CELF2: variants seen among roughly 807,000 people sequenced by gnomAD.
CELF2 encodes the protein CUG triplet repeat RNA-binding protein 2.
CELF2 carries 8 observed loss-of-function variants against 62.6 expected under a neutral mutation model. The ratio of observed to expected loss-of-function variants is 0.13; its 90% CI spans 0.07 to 0.23. CELF2 has a LOEUF of 0.23. CELF2 is among the 10% of genes least tolerant of loss of function. The pLI, the probability that CELF2 is intolerant of heterozygous loss-of-function variation, is 1.00. For missense variants in CELF2, 333 were observed against 671.0 expected, an observed-to-expected ratio of 0.50 and a Z score of 5.56; for synonymous variants, 258 against 250.0, an observed-to-expected ratio of 1.03 and a Z score of -0.30.
At chr10:11,079,703 G>A (rs958852600) in intron 1 of CELF2, among the ~76,000 whole-genome samples, 2 of 151,442 alleles carry the variant, frequency 1.3e-5, no homozygotes, top group African/African-American at 4.9e-5. Context: ...CTCAGTCTTG[G>A]GTATTTCTTC....
the CELF2 span, among the ~76,000 whole-genome samples, chr10:10,694,809 G>C: frequency 1.3e-5 from 2 of 151,704 alleles, no homozygotes; most frequent in African/African-American, 4.9e-5. Context: ...TTTAAAGTCT[G>C]TTTTATCAGA....
chr10:11,203,640 A>G (rs923923184), intron 2 of CELF2, among the ~76,000 whole-genome samples: 8 of 152,320 alleles, frequency 5.3e-5, no homozygotes, highest in Non-Finnish European at 1.0e-4. Flanking sequence ...AACTTAAACC[A>G]GATGGTTAAG....
chr10:11,167,925 G>A (rs536152818), intron 2 of CELF2, among the ~76,000 whole-genome samples: 1 of 152,316 alleles, frequency 6.6e-6, no homozygotes, highest in Non-Finnish European at 1.5e-5. Context: ...TTGCCCAGCT[G>A]TTAAGTGACA....
Position 11,302,388 on chromosome 10 carries a change from G to A in CELF2, c.977-11751G>A, listed in dbSNP as rs543494131. Among the ~76,000 whole-genome samples, 2 of 152,312 alleles carry A rather than the reference G, an allele frequency of 1.3e-5. No homozygotes were observed. The highest frequency in any genetic ancestry group is 2.1e-4 in the South Asian group (1 of 4,828). ...GATGCCCAAGCCCCACAACCAGAGC[G>A]TCTGACTCAGCGGGAGTGAGGGGAG... On this transcript the variant is annotated intron_variant, in intron 9 of 12. Transcript: ENST00000633077. This position sits in a 1 kb window ranked among gnomAD's most constrained non-coding sequence, Gnocchi z 5.0.
At chr10:10,937,628 T>A (rs1319535002) in intron 2 of CELF2, 1 of 152,190 alleles carries the variant, frequency 6.6e-6, no homozygotes, top group East Asian at 1.9e-4. Context: ...AGTATCATAT[T>A]AGGATACAGT....
In CELF2 at chr10:11,166,089, A is replaced by G. The variant is rs537319565; in HGVS notation, c.271+407A>G. 4.6e-5 allele frequency among the ~76,000 whole-genome samples: 7 copies of G among 152,318 alleles called. 1 individual carries two copies. Among genetic ancestry groups the G allele is most frequent in the African/African-American group, 1.7e-4 (7 of 41,570 alleles). On this transcript the variant is annotated intron_variant, in intron 2 of 12. Transcript: ENST00000633077. The stretch of plus-strand genomic sequence containing the variant: ...TCCTAGGCTTGCCCATGTAATTACA[A>G]TTGCATTTCACTTTTCCATAGCCTG...
At chr10:11,051,901 C>CT (rs10711238) in intron 1 of CELF2, among the ~76,000 whole-genome samples, 20,727 of 122,426 alleles carry the variant, frequency 0.17, 2,802 homozygotes, top group African/African-American at 0.38. Context: ...ATTGTTAATA[C>CT]TTTTTTTTTT....
the CELF2 span, among the ~76,000 whole-genome samples, chr10:10,481,321 C>T: frequency 9.9e-5 from 15 of 152,068 alleles, no homozygotes; most frequent in African/African-American, 3.6e-4. Flanking sequence ...AAATTTGTTC[C>T]ATAACACAGG....
chr10:10,606,464 C>A, the CELF2 span, among the ~76,000 whole-genome samples: 1 of 152,130 alleles, frequency 6.6e-6, no homozygotes, highest in Admixed American at 6.5e-5. Flanking sequence ...CGAGGACTAG[C>A]TTTAAATTGA....
chr10:10,602,040 C>A, the CELF2 span, among the ~76,000 whole-genome samples: 3 of 152,084 alleles, frequency 2.0e-5, no homozygotes, highest in African/African-American at 7.2e-5. Context: ...GCTTCTAGTT[C>A]CATCCATGTC....
At chr10:10,854,920 GC>G (rs1448595916) in intron 1 of CELF2, among the ~76,000 whole-genome samples, 5 of 151,876 alleles carry the variant, frequency 3.3e-5, no homozygotes, top group African/African-American at 1.2e-4. Flanking sequence ...GAAAATCTGA[GC>G]CAGCGTCCAC....
the CELF2 span, among the ~76,000 whole-genome samples, chr10:10,765,226 G>C: frequency 2.0e-5 from 3 of 152,214 alleles, no homozygotes; most frequent in Admixed American, 6.5e-5. Flanking sequence ...ATTGCCCCAC[G>C]CTTCTGAATT....
rs556581506 is a variant in CELF2 at position 10,833,602 on chromosome 10, C to T, written c.53+34785C>T. Among the ~76,000 whole-genome samples, 216 of 152,242 alleles carry T rather than the reference C, an allele frequency of 1.4e-3. No individual in the cohort carries two copies. In the South Asian group the frequency reaches 0.017, roughly 12 times the overall value. ...GTGAATCGTGATGATGCGAACAGTG[C>T]GTGCACAGCCCCATGTTAGAAATGA... On this transcript the variant is annotated intron_variant, in intron 1 of 13. Transcript: ENST00000636488.
chr10:10,500,625 C>G, the CELF2 span, among the ~76,000 whole-genome samples: 6 of 152,270 alleles, frequency 3.9e-5, no homozygotes, highest in South Asian at 6.2e-4. Flanking sequence ...ACCTCTTTTT[C>G]CTTATAAATT....
chr10:10,812,547 A>G (rs1055903512), intron 1 of CELF2, among the ~76,000 whole-genome samples: 8 of 152,100 alleles, frequency 5.3e-5, no homozygotes, highest in Non-Finnish European at 8.8e-5. Context: ...CCCAAACACC[A>G]TATTATTTAG....
intron 2 of CELF2, among the ~76,000 whole-genome samples, chr10:11,188,456 T>G (rs1307123646): frequency 6.6e-6 from 1 of 152,246 alleles, no homozygotes; most frequent in African/African-American, 2.4e-5. Flanking sequence ...GATTTTCCTT[T>G]TCTTTCAGTA....
chr10:10,961,318 A>G (rs2135975600), intron 2 of CELF2, among the ~76,000 whole-genome samples: 1 of 152,326 alleles, frequency 6.6e-6, no homozygotes, highest in East Asian at 1.9e-4. Flanking sequence ...GACTTCCTGA[A>G]GAGAAAAACT....
At chr10:10,816,565 A>C (rs2056480607) in intron 1 of CELF2, among the ~76,000 whole-genome samples, 1 of 152,252 alleles carries the variant, frequency 6.6e-6, no homozygotes, top group Admixed American at 6.5e-5. Flanking sequence ...AAGAAGAAAG[A>C]GGAATACGTG....
rs2096111535 is a variant in CELF2, at chr10:11,335,939, A to G, written c.*6886A>G. The G allele has an allele frequency of 1.3e-5, 2 of 152,242 alleles. No individual in the cohort carries two copies. Among genetic ancestry groups the G allele is most frequent in the Non-Finnish European group, 2.9e-5 (2 of 68,046 alleles). 9.4% of individuals were successfully genotyped at this position (152,242 alleles called of 1,614,324 possible). A position where few individuals can be genotyped will look rare whatever the true frequency, so the allele number is the denominator to read the frequency against. On this transcript the variant is annotated 3_prime_UTR_variant, in exon 13 of 13. Transcript: ENST00000633077. This position sits in a 1 kb window ranked among gnomAD's most constrained non-coding sequence, Gnocchi z 5.0. Reference sequence around the variant, plus strand: ...GATGAAAATGCTAGTTCCTTTAAGCACTTACTGACTGTAAAGTTGGTCCCT... The same window carrying G: ...GATGAAAATGCTAGTTCCTTTAAGCGCTTACTGACTGTAAAGTTGGTCCCT...
Sources: gnomAD v4.1 joint callset for allele counts (sites outside exome capture counted in the v4.1 genomes callset) on GRCh38, gnomAD v4.1.1 for gene constraint, Gnocchi (gnomAD v3.1) non-coding constraint, MANE v1.5 for transcripts, NCBI Gene and HGNC (gene_info 2026-07-23, HGNC 2026-07-21) for gene names.